The following TIMELESS variants were observed in gnomAD, a reference collection of about 807,000 sequenced individuals.
TIMELESS encodes timeless circadian regulator.
In TIMELESS, 124 loss-of-function variants were observed where a neutral mutation model predicts 164.3. That is an observed-to-expected ratio of 0.75 (90% CI 0.65 to 0.88). TIMELESS has a LOEUF of 0.88. Ranked by LOEUF, TIMELESS falls within the 40% of genes least tolerant of loss-of-function variation. The pLI is 0.00. For missense variants in TIMELESS, 1,422 were observed against 1,491.4 expected, an observed-to-expected ratio of 0.95 and a Z score of 0.77; for synonymous variants, 564 against 563.4, an observed-to-expected ratio of 1.00 and a Z score of -0.02.
chr12:56,432,953 CAAAAAA>C, intron 6 of TIMELESS, 67 bp downstream of exon 6: 45 of 545,958 alleles, frequency 8.2e-5, no homozygotes, highest in East Asian at 1.8e-4. Flanking sequence ...GACTCCGTCT[CAAAAAA>C]AAAAAAAAAA....
intron 1 of TIMELESS, among the ~76,000 whole-genome samples, chr12:56,443,796 A>C (rs919998946): frequency 4.6e-5 from 7 of 152,232 alleles, no homozygotes; most frequent in Non-Finnish European, 8.8e-5. Context: ...AAAATAGAAA[A>C]GAACCTACAT....
At chr12:56,446,803 T>A (rs1032237565) in intron 1 of TIMELESS, among the ~76,000 whole-genome samples, 8 of 124,548 alleles carry the variant, frequency 6.4e-5, no homozygotes, top group Non-Finnish European at 1.3e-4. Context: ...AGAGCAAAAC[T>A]CCATCTCAAA....
Position 56,433,705 on chromosome 12 carries a change from C to T in TIMELESS, c.252-53G>A, listed in dbSNP as rs142670013. ...TGTTAAGTTTCTTTACCAGCTCAAA[C>T]GCCAAACCTATCAGCTCAAACACCA... is the stretch of plus-strand genomic sequence containing the variant. On this transcript the variant is annotated intron_variant, in intron 3 of 28. Transcript: ENST00000553532. 4.0e-5 allele frequency: 65 copies of T among 1,613,572 alleles called. No individual in the cohort carries two copies. In the Admixed American group the frequency reaches 5.8e-4, roughly 14 times the overall value.
At chr12:56,447,389 A>C (rs186562501) in intron 1 of TIMELESS, among the ~76,000 whole-genome samples, 1 of 152,202 alleles carries the variant, frequency 6.6e-6, no homozygotes, top group Admixed American at 6.6e-5. Context: ...ATTACGCAGC[A>C]CAATGTAAGT....
rs372975461 is a variant in TIMELESS, at chr12:56,421,439, A to G, written c.2780T>C (p.Ile927Thr). 15 of 1,613,808 alleles carry G rather than the reference A, an allele frequency of 9.3e-6. No individual in the cohort carries two copies. Among genetic ancestry groups the G allele is most frequent in the Non-Finnish European group, 1.3e-5 (15 of 1,179,914 alleles). ...CCCCAGAGCCAAGAGTTTATCCACTATTCGGGCCCGTGAGCGTTTGGCTGT... is the reference window on the plus strand; with the variant it reads ...CCCCAGAGCCAAGAGTTTATCCACTGTTCGGGCCCGTGAGCGTTTGGCTGT... ...NITAKRSRAR[I>T]VDKLLALGLV... The change falls in exon 23 of 29, where the codon ATA (isoleucine) becomes ACA (threonine). Residue 927 changes from isoleucine to threonine, a missense_variant. By Grantham distance (89) the Ile-to-Thr change is moderately conservative. Transcript: ENST00000553532.
chr12:56,439,056 C>T (rs1882165459), intron 1 of TIMELESS, among the ~76,000 whole-genome samples: 1 of 150,690 alleles, frequency 6.6e-6, no homozygotes, highest in African/African-American at 2.4e-5. Context: ...ATCCCAGCTA[C>T]TCGGGAGGCT....
chr12:56,430,246 CG>C lies in TIMELESS; in HGVS notation c.944del (p.Pro315ArgfsTer24). 1.2e-6 allele frequency: 2 copies of C among 1,613,726 alleles called. No individual in the cohort carries two copies. The highest frequency in any genetic ancestry group is 1.7e-6 in the Non-Finnish European group (2 of 1,179,786). On this transcript the variant is annotated frameshift_variant, in exon 10 of 29. Coordinates refer to ENST00000553532, the MANE Select transcript of TIMELESS (RefSeq NM_003920.5). LOFTEE classifies it high-confidence loss of function. ...RNYSSDLGKQ[P>X]KKVPKRRQAA... Reference sequence around the variant, plus strand: ...CCTGGCGACGTTTAGGCACCTTTTTCGGCTGCTTTCCCAAATCTGAACTGTA... The same window carrying C: ...CCTGGCGACGTTTAGGCACCTTTTTCGCTGCTTTCCCAAATCTGAACTGTA...
At chr12:56,420,079 T>C (rs994792205) in intron 26 of TIMELESS, among the ~76,000 whole-genome samples, 2 of 133,682 alleles carry the variant, frequency 1.5e-5, no homozygotes, top group African/African-American at 5.2e-5. Context: ...TGTATATATA[T>C]ATATATAAAT....
rs755725536 is a variant in TIMELESS, at chr12:56,420,674, G to A, written c.3123C>T (p.Ala1041=). The A allele has an allele frequency of 4.8e-5, 78 of 1,614,148 alleles. No individual in the cohort carries two copies. The South Asian group carries it at 5.2e-4, about 11-fold the overall frequency. The change falls in exon 26 of 29, where the codon GCC becomes GCT. Residue 1041 remains alanine (A), a synonymous_variant. Coordinates refer to ENST00000553532, the MANE Select transcript of TIMELESS (RefSeq NM_003920.5). Reference sequence around the variant, plus strand: ...CCTCTGTGAGTGGCACCAATGGAACGGCCTGGGAGCAGCCTAAGACAGGGT... The same window carrying A: ...CCTCTGTGAGTGGCACCAATGGAACAGCCTGGGAGCAGCCTAAGACAGGGT... ...DDREEDGCSQ[A]VPLVPLTEEN...
At chr12:56,442,983 T>C (rs945730303) in intron 1 of TIMELESS, among the ~76,000 whole-genome samples, 139 of 152,248 alleles carry the variant, frequency 9.1e-4, no homozygotes, top group African/African-American at 3.0e-3. Flanking sequence ...GTCATCTTCA[T>C]AAACTGACAA....
intron 26 of TIMELESS, among the ~76,000 whole-genome samples, chr12:56,418,952 T>G (rs928526519): frequency 1.7e-4 from 26 of 150,862 alleles, no homozygotes; most frequent in African/African-American, 5.8e-4. Flanking sequence ...ATCAAATAAC[T>G]CACAATCCAA....
At chr12:56,418,061 G>A in intron 27 of TIMELESS, 53 bp from the exon 28 acceptor site, 1 of 1,613,352 alleles carries the variant, frequency 6.2e-7, no homozygotes, top group Non-Finnish European at 8.5e-7. Flanking sequence ...CATATTCTCA[G>A]AACACCTTTC....
chr12:56,446,825 A>C (rs1187158706), intron 1 of TIMELESS, among the ~76,000 whole-genome samples: 2 of 147,610 alleles, frequency 1.4e-5, no homozygotes, highest in Admixed American at 6.6e-5. Flanking sequence ...AAAAAAAAAA[A>C]GACTGCCCAA....
rs1169598579 is a variant in TIMELESS, at chr12:56,433,120, T to C, written c.437A>G (p.Glu146Gly). ...TLYELLQLGW[E>G]ERQEEDNLLI... ...CAAGTTGTCTTCCTCCTGCCGTTCC[T>C]CCCAGCCCTAACCAGAAGAGAGTAA... Residue 146 changes from glutamate to glycine, a missense_variant, in exon 6 of 29, where the codon GAG becomes GGG. By Grantham distance (98) the Glu-to-Gly change is moderately conservative. Transcript: ENST00000553532. The C allele has an allele frequency of 1.9e-6, 3 of 1,614,004 alleles. No homozygotes were observed. The highest frequency in any genetic ancestry group is 2.5e-6 in the Non-Finnish European group (3 of 1,179,996).
chr12:56,421,182 G>C, intron 23 of TIMELESS, 48 bp from the exon 24 acceptor site: 2 of 1,610,830 alleles, frequency 1.2e-6, no homozygotes, highest in Non-Finnish European at 1.7e-6. Context: ...GCAACACAAG[G>C]AACTTAGTGG....
Position 56,425,056 on chromosome 12 carries a change from C to T in TIMELESS, c.1675G>A (p.Val559Met), listed in dbSNP as rs756182807. ...VPSSPEEVEA[V>M]WPALAEQLQC... ...AGCTGCTCAGCCAGGGCTGGCCACA[C>T]AGCCTCCACTTCTTCTGGGCTAGAT... The change falls in exon 14 of 29, where the codon GTG (valine) becomes ATG (methionine). Residue 559 changes from valine to methionine, a missense_variant. Physicochemically the swap from Val to Met is conservative, Grantham distance 21. Transcript: ENST00000553532. 7 of 1,614,244 alleles carry T rather than the reference C, an allele frequency of 4.3e-6. No homozygotes were observed. The South Asian group carries it at 7.7e-5, about 18-fold the overall frequency.
chr12:56,430,100 C>T lies in TIMELESS; in HGVS notation c.1086+5G>A, dbSNP rs1881820558. 1.2e-6 allele frequency: 2 copies of T among 1,605,404 alleles called. No homozygotes were observed. Among genetic ancestry groups the T allele is most frequent in the Admixed American group, 1.7e-5 (1 of 57,646 alleles). ...ATTATCTCCATATCCTTCACAGGTT[C>T]TCACCTTTACTGATCCCATGAGCCG... On this transcript the variant is annotated splice_donor_5th_base_variant and intron_variant, in intron 10 of 28. Coordinates refer to ENST00000553532, the MANE Select transcript of TIMELESS (RefSeq NM_003920.5).
Position 56,425,116 on chromosome 12 carries a change from CCTT to C in TIMELESS, c.1612_1614del (p.Lys538del), listed in dbSNP as rs751809558. On this transcript the variant is annotated inframe_deletion, in exon 14 of 29. Coordinates refer to ENST00000553532, the MANE Select transcript of TIMELESS (RefSeq NM_003920.5). ...CCAGAAACAATGGCCTGGTCTAGGA[CCTT>C]CTTCTTCTTCTTCCTTCTCTTCTTT... 117 of 1,611,774 alleles carry C rather than the reference CCTT, an allele frequency of 7.3e-5. 1 individual carries two copies. Among genetic ancestry groups the C allele is most frequent in the South Asian group, 4.2e-4 (38 of 90,788 alleles).
intron 15 of TIMELESS, 142 bp downstream of exon 15, chr12:56,424,620 C>CA: frequency 5.2e-6 from 5 of 966,162 alleles, no homozygotes; most frequent in Non-Finnish European, 5.6e-6. Flanking sequence ...ACAAACCAAT[C>CA]AAAACGCCCC....
Sources: gnomAD v4.1 joint callset for allele counts (sites outside exome capture counted in the v4.1 genomes callset) on GRCh38, gnomAD v4.1.1 for gene constraint, MANE v1.5 for transcripts, NCBI Gene and HGNC (gene_info 2026-07-23, HGNC 2026-07-21) for gene names.